The following ANXA5 variants were observed in gnomAD, a reference collection of about 807,000 sequenced individuals.
The protein encoded by ANXA5 is annexin A5.
In ANXA5, 40 loss-of-function variants were observed where a neutral mutation model predicts 48.1. That is an observed-to-expected ratio of 0.83 (90% CI 0.65 to 1.08). The LOEUF (loss-of-function observed/expected upper bound fraction) is 1.08. ANXA5 is among the 50% of genes least tolerant of loss of function. The pLI is 0.00. For synonymous variants in ANXA5, 113 were observed against 129.1 expected (o/e 0.88, Z 0.85); for missense variants, 357 against 376.8 (o/e 0.95, Z 0.44).
intron 5 of ANXA5, among the ~76,000 whole-genome samples, chr4:121,682,772 C>T (rs575508963): frequency 6.6e-6 from 1 of 152,220 alleles, no homozygotes; most frequent in South Asian, 2.1e-4. Context: ...GAACTACTTC[C>T]TGTCCCATGA....
At chr4:121,679,822 A>G (rs1724759791) in intron 6 of ANXA5, among the ~76,000 whole-genome samples, 1 of 152,180 alleles carries the variant, frequency 6.6e-6, no homozygotes, top group Non-Finnish European at 1.5e-5. Context: ...GTACGTTGTG[A>G]AATGATTACC....
intron 12 of ANXA5, chr4:121,669,399 C>G (rs1401433191): frequency 1.6e-6 from 1 of 613,290 alleles, no homozygotes; most frequent in African/African-American, 1.8e-5. Flanking sequence ...GAGCCTCAGC[C>G]ACATCAATAC....
At chr4:121,694,102 CGGG>C (rs1167345308) in intron 2 of ANXA5, among the ~76,000 whole-genome samples, 2 of 6,980 alleles carry the variant, frequency 2.9e-4, no homozygotes, top group African/African-American at 1.9e-3. Context: ...CTATTGTGGG[CGGG>C]GGGGAGGGGG....
chr4:121,695,221 C>G lies in ANXA5; in HGVS notation c.9+1360G>C, dbSNP rs184466160. On this transcript the variant is annotated intron_variant, in intron 2 of 12. Transcript: ENST00000296511. ...TCCTTTCTATGGAGAAGAACTTAAA[C>G]CAAACTTTCCACTTGAAGTAATATG... 1.4e-4 allele frequency among the ~76,000 whole-genome samples: 21 copies of G among 152,232 alleles called. No homozygotes were observed. The South Asian group carries it at 3.7e-3, about 27-fold the overall frequency.
At chr4:121,670,747 C>T (rs560778102) in intron 10 of ANXA5, among the ~76,000 whole-genome samples, 98 of 152,152 alleles carry the variant, frequency 6.4e-4, no homozygotes, top group African/African-American at 2.3e-3. Flanking sequence ...AATTTGTATG[C>T]GTATTCTAAT....
intron 7 of ANXA5, 74 bp downstream of exon 7, chr4:121,678,341 C>T: frequency 8.5e-7 from 1 of 1,179,982 alleles, no homozygotes; most frequent in East Asian, 2.5e-5. Context: ...TTTTAAGTGA[C>T]CTTACTTAAC....
At chr4:121,674,233 G>GGGAGAAGGGAGGGGAT (rs1432299542) in intron 8 of ANXA5, among the ~76,000 whole-genome samples, 1 of 104,632 alleles carries the variant, frequency 9.6e-6, no homozygotes, top group Non-Finnish European at 2.1e-5. Context: ...AGGGAGGGGA[G>GGGAGAAGGGAGGGGAT]GGAGAGGGGA....
At chr4:121,671,929 C>A (rs1724620027) in intron 9 of ANXA5, among the ~76,000 whole-genome samples, 1 of 152,156 alleles carries the variant, frequency 6.6e-6, no homozygotes, top group Non-Finnish European at 1.5e-5. Context: ...AAGTGATACA[C>A]AGATAGGACT....
intron 8 of ANXA5, among the ~76,000 whole-genome samples, chr4:121,673,764 A>C (rs1724650115): frequency 6.6e-6 from 1 of 152,328 alleles, no homozygotes; most frequent in Non-Finnish European, 1.5e-5. Flanking sequence ...GCATGCATCT[A>C]AACTTTAGAA....
intron 2 of ANXA5, among the ~76,000 whole-genome samples, chr4:121,692,527 G>T (rs1052261041): frequency 6.6e-6 from 1 of 152,174 alleles, no homozygotes; most frequent in Non-Finnish European, 1.5e-5. Flanking sequence ...GTTCCATTGG[G>T]CATTCCATGA....
chr4:121,684,560 G>C lies in ANXA5; in HGVS notation c.189+117C>G, dbSNP rs927975209. ...GGAGAGTGGAAAAGAAACAGAAGTAGGGAAGTCGGAATCACAAAATAAATG... is the reference window on the plus strand; with the variant it reads ...GGAGAGTGGAAAAGAAACAGAAGTACGGAAGTCGGAATCACAAAATAAATG... On this transcript the variant is annotated intron_variant, in intron 4 of 12. Coordinates refer to ENST00000296511, the MANE Select transcript of ANXA5 (RefSeq NM_001154.4). 51 of 818,872 alleles carry C rather than the reference G, an allele frequency of 6.2e-5. No individual in the cohort carries two copies. In the African/African-American group the frequency reaches 7.7e-4, roughly 12 times the overall value. The allele number at this position is 818,872 out of a possible 1,614,324, so 50.7% of individuals were successfully genotyped here. A position where few individuals can be genotyped will look rare whatever the true frequency, so the allele number is the denominator to read the frequency against.
intron 5 of ANXA5, 63 bp downstream of exon 5, chr4:121,683,301 G>C: frequency 1.0e-6 from 1 of 958,210 alleles, no homozygotes; most frequent in Non-Finnish European, 1.5e-6. Context: ...ATAAGAGGAA[G>C]TAATTACCAA....
At chr4:121,688,000 T>C (rs1305230583) in intron 2 of ANXA5, among the ~76,000 whole-genome samples, 1 of 152,150 alleles carries the variant, frequency 6.6e-6, no homozygotes, top group Non-Finnish European at 1.5e-5. Flanking sequence ...CCCCACCACA[T>C]GACGGTAAAT....
At position 121,683,390 on chromosome 4, in the gene ANXA5, C is replaced by T. The variant is rs1560827773; in HGVS notation, c.277G>A (p.Ala93Thr). The change falls in exon 5 of 13, where the codon GCT becomes ACT. Residue 93 changes from alanine to threonine, a missense_variant. Physicochemically the swap from Ala to Thr is moderately conservative, Grantham distance 58. Transcript: ENST00000296511. ...TTCAAGGCATGTTTCAGTTCATAAGCATCATAAAGCCGAGAGGGTTTCATC... is the reference window on the plus strand; with the variant it reads ...TTCAAGGCATGTTTCAGTTCATAAGTATCATAAAGCCGAGAGGGTTTCATC... ...ALMKPSRLYD[A>T]YELKHALKGA... 1.4e-5 allele frequency: 23 copies of T among 1,605,906 alleles called. No individual in the cohort carries two copies. The highest frequency in any genetic ancestry group is 2.0e-5 in the Non-Finnish European group (23 of 1,175,244).
Position 121,696,844 on chromosome 4 carries a change from C to T in ANXA5, c.-36+19G>A, listed in dbSNP as rs1725093719. 3 of 355,340 alleles carry T rather than the reference C, an allele frequency of 8.4e-6. No homozygotes were observed. The South Asian group carries it at 4.4e-4, about 52-fold the overall frequency. 22.0% of individuals were successfully genotyped at this position (355,340 alleles called of 1,614,324 possible). A position where few individuals can be genotyped will look rare whatever the true frequency, so the allele number is the denominator to read the frequency against. Reference sequence around the variant, plus strand: ...CTCCTCTCCAGAAGGAGCCCCCTCCCCGGGCTGCGACCACTCACCCAGACT... The same window carrying T: ...CTCCTCTCCAGAAGGAGCCCCCTCCTCGGGCTGCGACCACTCACCCAGACT... On this transcript the variant is annotated intron_variant, in intron 1 of 12. Coordinates refer to ENST00000296511, the MANE Select transcript of ANXA5 (RefSeq NM_001154.4).
At chr4:121,682,185 T>G (rs1478051674) in intron 5 of ANXA5, among the ~76,000 whole-genome samples, 1 of 152,074 alleles carries the variant, frequency 6.6e-6, no homozygotes, top group Non-Finnish European at 1.5e-5. Context: ...AATAAGCACC[T>G]CAAAAGATAA....
intron 2 of ANXA5, among the ~76,000 whole-genome samples, chr4:121,694,117 A>T (rs28695699): frequency 2.8e-5 from 1 of 35,394 alleles, no homozygotes; most frequent in Non-Finnish European, 5.8e-5. Flanking sequence ...GGGAGGGGGG[A>T]GGGATAGCAT....
In ANXA5 at chr4:121,675,100, G is replaced by A. The variant is rs150375468; in HGVS notation, c.532-2474C>T. 2.8e-4 allele frequency among the ~76,000 whole-genome samples: 42 copies of A among 152,296 alleles called. No homozygotes were observed. The East Asian group carries it at 7.9e-3, about 29-fold the overall frequency. ...CTCCTTCTCCCTCTTTCCTCTAAGAGTTCAACTCTCCCTCCAGAGAAAGAA... is the reference window on the plus strand; with the variant it reads ...CTCCTTCTCCCTCTTTCCTCTAAGAATTCAACTCTCCCTCCAGAGAAAGAA... On this transcript the variant is annotated intron_variant, in intron 8 of 12. Coordinates refer to ENST00000296511, the MANE Select transcript of ANXA5 (RefSeq NM_001154.4).
At chr4:121,678,643 A>C in intron 6 of ANXA5, 149 bp from the exon 7 acceptor site, 1 of 687,598 alleles carries the variant, frequency 1.5e-6, no homozygotes, top group Non-Finnish European at 2.4e-6. Flanking sequence ...GAATGCTCTA[A>C]GCAAATGCTT....
Sources: gnomAD v4.1 joint callset for allele counts (sites outside exome capture counted in the v4.1 genomes callset) on GRCh38, gnomAD v4.1.1 for gene constraint, MANE v1.5 for transcripts, NCBI Gene and HGNC (gene_info 2026-07-23, HGNC 2026-07-21) for gene names.